Variants in BZW2 observed in about 807,000 individuals in gnomAD.
BZW2 encodes the protein eIF5-mimic protein 1.
A neutral mutation model predicts 53.2 loss-of-function variants in BZW2; 23 were observed. The ratio of observed to expected loss-of-function variants is 0.43; its 90% CI spans 0.31 to 0.61. The LOEUF is 0.61. Among genes scored for constraint, BZW2 ranks in the 20% least tolerant of loss-of-function variants. The pLI is 0.09. For synonymous variants in BZW2, 227 were observed against 186.4 expected (o/e 1.22, Z -1.77); for missense variants, 409 against 503.1 (o/e 0.81, Z 1.79).
intron 1 of BZW2, among the ~76,000 whole-genome samples, chr7:16,648,532 C>G (rs1781920430): frequency 6.6e-6 from 1 of 152,198 alleles, no homozygotes; most frequent in Non-Finnish European, 1.5e-5. Context: ...CTGCTTCTCT[C>G]TCACCTGTCT....
chr7:16,686,010 A>T lies in BZW2; in HGVS notation c.511A>T (p.Ser171Cys). The T allele has an allele frequency of 6.2e-7, 1 of 1,609,798 alleles. No homozygotes were observed. The highest frequency in any genetic ancestry group is 8.5e-7 in the Non-Finnish European group (1 of 1,178,774). The change falls in exon 6 of 12, where the codon AGT becomes TGT. Residue 171 changes from serine (S) to cysteine (C), a missense_variant. By Grantham distance (112) the Ser-to-Cys change is moderately radical. Transcript: ENST00000258761. Reference sequence around the variant, plus strand: ...CACCCTGCCCGCCACCATCCTCACCAGTCTCTTCACCGACAGCTTAGTCAA... The same window carrying T: ...CACCCTGCCCGCCACCATCCTCACCTGTCTCTTCACCGACAGCTTAGTCAA... ...NGTLPATILT[S>C]LFTDSLVKEG...
chr7:16,694,138 G>C (rs1168984272), intron 7 of BZW2, among the ~76,000 whole-genome samples: 1 of 152,176 alleles, frequency 6.6e-6, no homozygotes, highest in Admixed American at 6.5e-5. Context: ...CTGCCAAACT[G>C]TGTAGGGTAA....
chr7:16,689,820 A>G lies in BZW2; in HGVS notation c.565A>G (p.Lys189Glu). 3.7e-6 allele frequency: 6 copies of G among 1,608,890 alleles called. No individual in the cohort carries two copies. The highest frequency in any genetic ancestry group is 4.2e-6 in the Non-Finnish European group (5 of 1,177,316). The change falls in exon 7 of 12, where the codon AAG (lysine) becomes GAG (glutamate). Residue 189 changes from lysine to glutamate, a missense_variant. By Grantham distance (56) the Lys-to-Glu change is moderately conservative. Around this residue, in one of 3 missense-constraint regions of BZW2, gnomAD observed 316 missense variants for 366.8 expected, o/e 0.86. Coordinates refer to ENST00000258761, the MANE Select transcript of BZW2 (RefSeq NM_014038.3). ...KEGIAASFAV[K>E]LFKAWMAEKD... ...AGGCATTGCGGCCTCATTTGCTGTC[A>G]AGCTTTTCAAAGCATGGATGGCAGA...
intron 4 of BZW2, among the ~76,000 whole-genome samples, chr7:16,682,245 C>G (rs1357953305): frequency 1.3e-5 from 2 of 152,216 alleles, no homozygotes; most frequent in Non-Finnish European, 2.9e-5. Context: ...CATCATTCCA[C>G]TTAGAAAACT....
intron 2 of BZW2, among the ~76,000 whole-genome samples, chr7:16,674,191 C>T (rs753187652): frequency 1.2e-4 from 18 of 152,180 alleles, no homozygotes; most frequent in African/African-American, 3.1e-4. Context: ...TGAGCCACCG[C>T]GCCCGGCCTA....
chr7:16,698,344 A>AAAAG (rs1783568403), intron 10 of BZW2, 158 bp downstream of exon 10: 2 of 985,656 alleles, frequency 2.0e-6, no homozygotes, highest in Admixed American at 4.1e-5. Context: ...CATACCATGT[A>AAAAG]GAGAGAGGAG....
At chr7:16,655,701 C>T (rs1223294836) in intron 1 of BZW2, among the ~76,000 whole-genome samples, 1 of 152,090 alleles carries the variant, frequency 6.6e-6, no homozygotes, top group Non-Finnish European at 1.5e-5. Context: ...CTCCAGGAAA[C>T]TACTATTCTA....
rs780829253 is a variant in BZW2, at chr7:16,681,416, T to A, written c.339+12T>A. 4 of 1,605,984 alleles carry A rather than the reference T, an allele frequency of 2.5e-6. No homozygotes were observed. The highest frequency in any genetic ancestry group is 3.4e-6 in the Non-Finnish European group (4 of 1,173,024). On this transcript the variant is annotated intron_variant, in intron 4 of 11. Coordinates refer to ENST00000258761, the MANE Select transcript of BZW2 (RefSeq NM_014038.3). ...GAAACTATGCTCAGGTAGAGCCTGT[T>A]TGAGAGACTGAAGCATTTGAAGAGG...
At chr7:16,677,452 T>G (rs1043095883) in intron 3 of BZW2, among the ~76,000 whole-genome samples, 5 of 152,146 alleles carry the variant, frequency 3.3e-5, no homozygotes, top group African/African-American at 1.2e-4. Flanking sequence ...CAACGACCGC[T>G]CTAACTTCTT....
At chr7:16,666,919 A>G (rs1188797272) in intron 2 of BZW2, among the ~76,000 whole-genome samples, 1 of 152,186 alleles carries the variant, frequency 6.6e-6, no homozygotes, top group Non-Finnish European at 1.5e-5. Context: ...CAAGCCAAGA[A>G]TATTTTAAAC....
chr7:16,697,195 C>T, intron 9 of BZW2, 134 bp downstream of exon 9: 1 of 1,028,886 alleles, frequency 9.7e-7, no homozygotes. Flanking sequence ...GCTCAAGCCA[C>T]CCTCCCTCCT....
chr7:16,690,559 A>C (rs980071112), intron 7 of BZW2, among the ~76,000 whole-genome samples: 5 of 152,184 alleles, frequency 3.3e-5, no homozygotes, highest in Admixed American at 3.3e-4. Context: ...AAATTTCATC[A>C]ATCTCACTTA....
At chr7:16,646,654 T>C (rs1781871429) in intron 1 of BZW2, among the ~76,000 whole-genome samples, 1 of 151,928 alleles carries the variant, frequency 6.6e-6, no homozygotes, top group Non-Finnish European at 1.5e-5. Flanking sequence ...CTGGGCTAGG[T>C]AGGGGTCGCA....
chr7:16,681,340 A>G lies in BZW2; in HGVS notation c.275A>G (p.Lys92Arg), dbSNP rs750594120. The G allele has an allele frequency of 6.2e-7, 1 of 1,614,132 alleles. No homozygotes were observed. The highest frequency in any genetic ancestry group is 8.5e-7 in the Non-Finnish European group (1 of 1,179,990). Residue 92 changes from lysine (K) to arginine (R), a missense_variant, in exon 4 of 12, where the codon AAG becomes AGG. Lys to Arg is a conservative substitution (Grantham distance 26). Transcript: ENST00000258761. The part of the protein sequence containing the change: ...GTRIDDGDKT[K>R]MTNHCVFSAN... The stretch of plus-strand genomic sequence containing the variant: ...CGCATAGATGATGGTGACAAGACCA[A>G]GATGACCAACCACTGTGTGTTTTCA...
intron 6 of BZW2, among the ~76,000 whole-genome samples, chr7:16,688,274 C>T (rs1190022452): frequency 6.6e-6 from 1 of 152,212 alleles, no homozygotes; most frequent in Non-Finnish European, 1.5e-5. Flanking sequence ...TCATTCATAG[C>T]ATTAACTTCA....
At chr7:16,686,209 G>A (rs1352713824) in intron 6 of BZW2, 169 bp downstream of exon 6, 2 of 1,076,406 alleles carry the variant, frequency 1.9e-6, no homozygotes, top group Non-Finnish European at 2.6e-6. Context: ...AAAAGGAGTG[G>A]ACTTGTTAAT....
At chr7:16,672,318 T>C (rs1308265732) in intron 2 of BZW2, among the ~76,000 whole-genome samples, 2 of 152,186 alleles carry the variant, frequency 1.3e-5, no homozygotes, top group African/African-American at 4.8e-5. Context: ...AGGTCTGCCC[T>C]TTTTCTCTTC....
intron 3 of BZW2, among the ~76,000 whole-genome samples, chr7:16,678,087 C>CTTTTTTTTTTTTTT (rs71007780): frequency 7.5e-5 from 5 of 66,914 alleles, no homozygotes; most frequent in Non-Finnish European, 8.7e-5. Context: ...TTCCATTGTT[C>CTTTTTTTTTTTTTT]TTTTTTTTTT....
At chr7:16,693,354 A>G (rs758274143) in intron 7 of BZW2, among the ~76,000 whole-genome samples, 5 of 152,216 alleles carry the variant, frequency 3.3e-5, no homozygotes, top group African/African-American at 1.2e-4. Context: ...TATACTATTC[A>G]TAAGAATTTG....
Sources: gnomAD v4.1 joint callset for allele counts (sites outside exome capture counted in the v4.1 genomes callset) on GRCh38, gnomAD v4.1.1 for gene constraint, gnomAD v4.1.1 regional missense constraint, MANE v1.5 for transcripts, NCBI Gene and HGNC (gene_info 2026-07-23, HGNC 2026-07-21) for gene names.